Variants in SAMTOR observed in about 807,000 individuals in gnomAD.
SAMTOR encodes UPF0532 protein C7orf60.
the SAMTOR span, among the ~76,000 whole-genome samples, chr7:112,848,627 G>T: frequency 6.6e-6 from 1 of 152,264 alleles, no homozygotes; most frequent in East Asian, 1.9e-4. Context: ...GGAGAGTAAA[G>T]GAGAAGACTA....
chr7:112,931,352 A>G, the SAMTOR span, among the ~76,000 whole-genome samples: 2 of 138,296 alleles, frequency 1.4e-5, no homozygotes, highest in Admixed American at 1.4e-4. Flanking sequence ...ATTAAACTTA[A>G]TATCTACAAA....
the SAMTOR span, chr7:112,895,743 C>G: frequency 6.7e-7 from 1 of 1,493,234 alleles, no homozygotes; most frequent in Non-Finnish European, 9.1e-7. Context: ...GCATACACTA[C>G]AAGTAAAAAT....
At chr7:112,875,394 A>G in the SAMTOR span, among the ~76,000 whole-genome samples, 76 of 152,256 alleles carry the variant, frequency 5.0e-4, no homozygotes, top group African/African-American at 1.7e-3. Flanking sequence ...TTCAGACTGA[A>G]TAACTTTTCA....
chr7:112,923,743 C>T, the SAMTOR span, among the ~76,000 whole-genome samples: 15 of 151,898 alleles, frequency 9.9e-5, no homozygotes, highest in South Asian at 1.0e-3. Flanking sequence ...CACATGCACA[C>T]GTATGTTTAT....
the SAMTOR span, among the ~76,000 whole-genome samples, chr7:112,911,630 A>C: frequency 6.6e-6 from 1 of 152,136 alleles, no homozygotes; most frequent in Admixed American, 6.5e-5. Context: ...GCAGACAAAA[A>C]CTTTAAAATA....
chr7:112,846,486 C>G, the SAMTOR span, among the ~76,000 whole-genome samples: 1 of 152,064 alleles, frequency 6.6e-6, no homozygotes, highest in Non-Finnish European at 1.5e-5. Context: ...TGCACGTGTT[C>G]TCCTGAGCCT....
chr7:112,876,187 C>T, the SAMTOR span, among the ~76,000 whole-genome samples: 5 of 152,024 alleles, frequency 3.3e-5, no homozygotes, highest in Non-Finnish European at 5.9e-5. Flanking sequence ...CTCAAACTCC[C>T]GGCCTCAAGC....
chr7:112,887,329 C>T, the SAMTOR span, among the ~76,000 whole-genome samples: 1 of 150,996 alleles, frequency 6.6e-6, no homozygotes, highest in Non-Finnish European at 1.5e-5. Context: ...AACTTAACCC[C>T]CAAATACAGA....
At chr7:112,930,142 G>A in the SAMTOR span, among the ~76,000 whole-genome samples, 5 of 151,986 alleles carry the variant, frequency 3.3e-5, no homozygotes, top group Non-Finnish European at 7.4e-5. Context: ...TACCTTTAAT[G>A]GTCATTTTCT....
the SAMTOR span, among the ~76,000 whole-genome samples, chr7:112,888,882 T>C: frequency 6.6e-6 from 1 of 152,192 alleles, no homozygotes; most frequent in South Asian, 2.1e-4. Context: ...GTGAGGTATG[T>C]ATGTTTGAGA....
chr7:112,911,158 G>C, the SAMTOR span, among the ~76,000 whole-genome samples: 1 of 152,100 alleles, frequency 6.6e-6, no homozygotes, highest in African/African-American at 2.4e-5. Context: ...CAAATGTAGA[G>C]ATAATTCTCC....
chr7:112,893,027 C>A, the SAMTOR span, among the ~76,000 whole-genome samples: 1 of 152,164 alleles, frequency 6.6e-6, no homozygotes, highest in African/African-American at 2.4e-5. Context: ...GATGTGCTGT[C>A]ATCTAGGCTT....
the SAMTOR span, among the ~76,000 whole-genome samples, chr7:112,893,158 CAA>C: frequency 6.6e-6 from 1 of 152,182 alleles, no homozygotes. Context: ...TAGCCCCTAA[CAA>C]GAGAGGCTGC....
chr7:112,889,799 G>A, the SAMTOR span, among the ~76,000 whole-genome samples: 11,074 of 152,208 alleles, frequency 0.073, 455 homozygotes, highest in South Asian at 0.13. Context: ...GCCTGGAGCT[G>A]CTCTCACCAC....
At chr7:112,909,954 CAT>C in the SAMTOR span, among the ~76,000 whole-genome samples, 7 of 151,682 alleles carry the variant, frequency 4.6e-5, no homozygotes, top group East Asian at 1.9e-4. Flanking sequence ...CTAGTATCCA[CAT>C]GTTACTTTTC....
At chr7:112,855,512 A>G in the SAMTOR span, among the ~76,000 whole-genome samples, 1 of 152,106 alleles carries the variant, frequency 6.6e-6, no homozygotes, top group Non-Finnish European at 1.5e-5. Context: ...TTTTGGCAGA[A>G]TCTAGTTTAG....
chr7:112,847,923 G>C, the SAMTOR span, among the ~76,000 whole-genome samples: 1 of 152,156 alleles, frequency 6.6e-6, no homozygotes, highest in East Asian at 1.9e-4. Context: ...AGGACTGCTT[G>C]AGACCAGAAG....
chr7:112,931,552 G>A, the SAMTOR span, among the ~76,000 whole-genome samples: 1 of 152,172 alleles, frequency 6.6e-6, no homozygotes, highest in Non-Finnish European at 1.5e-5. Context: ...TCACAGGTGG[G>A]TCTATGACCA....
chr7:112,875,818 G>A, the SAMTOR span, among the ~76,000 whole-genome samples: 2 of 152,102 alleles, frequency 1.3e-5, no homozygotes, highest in African/African-American at 4.8e-5. Flanking sequence ...CGTTCACTGT[G>A]GCTTCATCAT....
Sources: gnomAD v4.1 joint callset for allele counts (sites outside exome capture counted in the v4.1 genomes callset) on GRCh38, gnomAD v4.1.1 for gene constraint, MANE v1.5 for transcripts, NCBI Gene and HGNC (gene_info 2026-07-23, HGNC 2026-07-21) for gene names.